EHBP1: variants seen among roughly 807,000 people sequenced by gnomAD.
EHBP1 encodes the protein EH domain-binding protein 1.
In EHBP1, 55 loss-of-function variants were observed where a neutral mutation model predicts 144.0. That is an observed-to-expected ratio of 0.38 (90% CI 0.31 to 0.48). The LOEUF (loss-of-function observed/expected upper bound fraction) is 0.48, where lower values mean the gene tolerates loss of function less well. Among genes scored for constraint, EHBP1 ranks in the 20% least tolerant of loss-of-function variants. EHBP1 has a pLI of 0.98. For synonymous variants in EHBP1, 469 were observed against 472.7 expected, an observed-to-expected ratio of 0.99 and a Z score of 0.10; for missense variants, 1,200 against 1,364.2, an observed-to-expected ratio of 0.88 and a Z score of 1.90.
At chr2:62,795,845 C>G (rs2043502423) in intron 5 of EHBP1, among the ~76,000 whole-genome samples, 2 of 151,860 alleles carry the variant, frequency 1.3e-5, no homozygotes, top group Admixed American at 1.3e-4. Context: ...AGATAATAGC[C>G]TGAAGAAAAA....
rs766906756 is a variant in EHBP1, at chr2:62,864,819, A to G, written c.846A>G (p.Pro282=). 22 of 1,614,124 alleles carry G rather than the reference A, an allele frequency of 1.4e-5. No individual in the cohort carries two copies. Among genetic ancestry groups the G allele is most frequent in the Non-Finnish European group, 1.9e-5 (22 of 1,179,994 alleles). The change falls in exon 9 of 23, where the codon CCA becomes CCG. Residue 282 remains proline (P), a synonymous_variant. Coordinates refer to ENST00000431489, the MANE Select transcript of EHBP1 (RefSeq NM_001142616.3). ...ATCCCTTTAAAGAGGTGCAGACTCC[A>G]CAGTATTTGAACCCATTCGATGAGC... The part of the protein sequence containing the change: ...SYNPFKEVQT[P]QYLNPFDEPE...
intron 19 of EHBP1, among the ~76,000 whole-genome samples, chr2:63,034,879 T>C (rs1185633484): frequency 6.6e-6 from 1 of 152,084 alleles, no homozygotes; most frequent in Non-Finnish European, 1.5e-5. Context: ...CAGCATTCAT[T>C]TGAAAAATAT....
chr2:62,773,647 G>A (rs1332910311), intron 5 of EHBP1, among the ~76,000 whole-genome samples: 2 of 151,516 alleles, frequency 1.3e-5, no homozygotes, highest in African/African-American at 2.4e-5. Context: ...TCGGGAGTTC[G>A]AGCCCAGTCT....
At chr2:63,004,694 A>T (rs1439403089) in intron 19 of EHBP1, among the ~76,000 whole-genome samples, 1 of 152,082 alleles carries the variant, frequency 6.6e-6, no homozygotes, top group Non-Finnish European at 1.5e-5. Context: ...TAATTTTAGC[A>T]TACAGCTCCA....
intron 1 of EHBP1, among the ~76,000 whole-genome samples, chr2:62,695,645 A>G (rs2034059725): frequency 6.6e-6 from 1 of 152,218 alleles, no homozygotes; most frequent in African/African-American, 2.4e-5. Flanking sequence ...AACATTTTAA[A>G]GATTATGGAA....
At chr2:62,944,297 G>C (rs1470031983) in intron 12 of EHBP1, among the ~76,000 whole-genome samples, 1 of 152,132 alleles carries the variant, frequency 6.6e-6, no homozygotes, top group African/African-American at 2.4e-5. Flanking sequence ...CTGGTAAACC[G>C]TATACAGTTA....
intron 7 of EHBP1, among the ~76,000 whole-genome samples, chr2:62,842,015 G>C (rs965144334): frequency 3.9e-5 from 6 of 152,112 alleles, no homozygotes; most frequent in Non-Finnish European, 8.8e-5. Context: ...ATGTAATGGT[G>C]CCCTGTATGT....
intron 16 of EHBP1, among the ~76,000 whole-genome samples, chr2:62,992,972 A>G (rs1465210465): frequency 1.6e-4 from 24 of 152,162 alleles, no homozygotes; most frequent in Admixed American, 1.6e-3. Context: ...GTCTTCTGGG[A>G]TATTTCTTGT....
intron 10 of EHBP1, among the ~76,000 whole-genome samples, chr2:62,902,750 A>G (rs962387708): frequency 2.6e-5 from 4 of 152,220 alleles, no homozygotes; most frequent in African/African-American, 9.6e-5. Context: ...TGATGAGACC[A>G]TAGTTAATTT....
chr2:63,043,975 C>G (rs888942047), intron 21 of EHBP1: 2 of 37,930 alleles, frequency 5.3e-5, no homozygotes, highest in East Asian at 6.8e-4. Flanking sequence ...TTTTTTTAAG[C>G]TGGTGTCCTG....
intron 5 of EHBP1, among the ~76,000 whole-genome samples, chr2:62,805,429 G>T (rs942056752): frequency 6.7e-6 from 1 of 149,516 alleles, no homozygotes; most frequent in Non-Finnish European, 1.5e-5. Context: ...ATCTTTGGTG[G>T]ACTTATGTAT....
intron 7 of EHBP1, among the ~76,000 whole-genome samples, chr2:62,856,776 T>G (rs981806383): frequency 9.9e-5 from 15 of 152,254 alleles, no homozygotes; most frequent in African/African-American, 3.6e-4. Context: ...ATGGTGCTGA[T>G]AGACTTGCTA....
At chr2:62,775,374 G>A (rs956383065) in intron 5 of EHBP1, among the ~76,000 whole-genome samples, 2 of 152,152 alleles carry the variant, frequency 1.3e-5, no homozygotes, top group Non-Finnish European at 2.9e-5. Flanking sequence ...AAAAGAATTA[G>A]TGAATTTCAA....
chr2:62,897,100 CACT>C (rs1253922763), intron 10 of EHBP1, among the ~76,000 whole-genome samples: 1 of 152,156 alleles, frequency 6.6e-6, no homozygotes, highest in Non-Finnish European at 1.5e-5. Context: ...TAACCATAAC[CACT>C]ACTATTAGCT....
At chr2:62,752,903 G>A (rs926882734) in intron 3 of EHBP1, among the ~76,000 whole-genome samples, 3 of 152,074 alleles carry the variant, frequency 2.0e-5, no homozygotes, top group Non-Finnish European at 2.9e-5. Flanking sequence ...GTCTCTGCAC[G>A]TGAGATGGGT....
rs770084023 is a variant in EHBP1 at position 62,993,984 on chromosome 2, T to C, written c.2979+7T>C. 6.5e-7 allele frequency: 1 copy of C among 1,543,772 alleles called. No individual in the cohort carries two copies. The highest frequency in any genetic ancestry group is 1.7e-4 in the Middle Eastern group (1 of 5,894). The stretch of plus-strand genomic sequence containing the variant: ...AGAAGATGAAGTGCTTAATGTATAT[T>C]AATTTTTTGTGTGGTTTCATGATTG... On this transcript the variant is annotated splice_region_variant and intron_variant, in intron 18 of 22. Transcript: ENST00000431489.
intron 2 of EHBP1, among the ~76,000 whole-genome samples, chr2:62,730,969 A>G (rs1000516731): frequency 6.0e-5 from 9 of 149,004 alleles, no homozygotes; most frequent in African/African-American, 9.9e-5. Context: ...ACTTGTGGGG[A>G]GTTTGATTGA....
intron 3 of EHBP1, among the ~76,000 whole-genome samples, chr2:62,759,933 G>A (rs2040628349): frequency 6.6e-6 from 1 of 151,918 alleles, no homozygotes; most frequent in Non-Finnish European, 1.5e-5. Flanking sequence ...AATGTCCTTG[G>A]TTTCTTCTCT....
chr2:62,820,901 AGG>A (rs1464744270), intron 5 of EHBP1, among the ~76,000 whole-genome samples: 2 of 150,724 alleles, frequency 1.3e-5, no homozygotes, highest in Non-Finnish European at 3.0e-5. Flanking sequence ...ACAATTTGGG[AGG>A]GGACATGCAG....
Sources: allele counts gnomAD v4.1 joint callset (sites outside exome capture counted in the v4.1 genomes callset), GRCh38; gene constraint gnomAD v4.1.1; transcripts MANE v1.5; gene names NCBI Gene and HGNC (gene_info 2026-07-23, HGNC 2026-07-21).